The following TSHZ2 variants were observed in gnomAD, a reference collection of about 807,000 sequenced individuals.
TSHZ2 encodes the protein teashirt homolog 2.
Under a neutral mutation model 74.4 loss-of-function variants are expected in TSHZ2, and 21 were observed. That is an observed-to-expected ratio of 0.28 (90% CI 0.20 to 0.41). The LOEUF (loss-of-function observed/expected upper bound fraction) is 0.41. Among genes scored for constraint, TSHZ2 ranks in the 10% least tolerant of loss-of-function variants. The pLI is 1.00. For synonymous variants in TSHZ2, 540 were observed against 515.3 expected, an observed-to-expected ratio of 1.05 and a Z score of -0.65; for missense variants, 1,244 against 1,293.5, an observed-to-expected ratio of 0.96 and a Z score of 0.59.
intron 2 of TSHZ2, among the ~76,000 whole-genome samples, chr20:53,451,325 C>T (rs750193140): frequency 6.6e-6 from 1 of 152,130 alleles, no homozygotes; most frequent in Non-Finnish European, 1.5e-5. Context: ...ATTATATGGA[C>T]CAAACTATTT....
At chr20:53,235,005 G>A (rs758268083) in intron 1 of TSHZ2, among the ~76,000 whole-genome samples, 2 of 151,912 alleles carry the variant, frequency 1.3e-5, no homozygotes, top group South Asian at 4.2e-4. Context: ...GGCATGAGAG[G>A]TGCCCAGTTG....
At chr20:53,366,503 C>A (rs1271385602) in intron 2 of TSHZ2, among the ~76,000 whole-genome samples, 1 of 152,188 alleles carries the variant, frequency 6.6e-6, no homozygotes, top group Non-Finnish European at 1.5e-5. Flanking sequence ...ATTCCATCTG[C>A]CTGGGATCTA....
rs540713910 is a variant in TSHZ2 at position 53,482,429 on chromosome 20, T to A, written c.*9-4715T>A. On this transcript the variant is annotated intron_variant, in intron 2 of 2. Transcript: ENST00000371497. ...CATGCTGAGATCCAAAAAAGCCAGA[T>A]AACCTGAGTCAAGAATCACAGAAAG... 4.6e-5 allele frequency among the ~76,000 whole-genome samples: 7 copies of A among 152,274 alleles called. No homozygotes were observed. The South Asian group carries it at 1.4e-3, about 32-fold the overall frequency.
chr20:53,425,144 A>C (rs754978905), intron 2 of TSHZ2, among the ~76,000 whole-genome samples: 1 of 152,132 alleles, frequency 6.6e-6, no homozygotes, highest in Non-Finnish European at 1.5e-5. Flanking sequence ...CCACCACACT[A>C]TCTTCCAAAA....
intron 1 of TSHZ2, among the ~76,000 whole-genome samples, chr20:53,166,459 A>T (rs903242521): frequency 6.6e-6 from 1 of 152,138 alleles, no homozygotes; most frequent in Non-Finnish European, 1.5e-5. Context: ...CTCTACAAAA[A>T]AAACTAAACA....
At chr20:53,180,826 G>A (rs1988450130) in intron 1 of TSHZ2, among the ~76,000 whole-genome samples, 1 of 152,014 alleles carries the variant, frequency 6.6e-6, no homozygotes, top group Admixed American at 6.6e-5. Context: ...AGCAAAAAGG[G>A]ACAAGGAGCT....
At chr20:53,142,342 CAGG>C (rs1195853434) in intron 1 of TSHZ2, among the ~76,000 whole-genome samples, 1 of 152,190 alleles carries the variant, frequency 6.6e-6, no homozygotes, top group African/African-American at 2.4e-5. Context: ...ACCGGAAGAA[CAGG>C]AGAACAGAAG....
chr20:53,036,089 C>T (rs564215537), intron 1 of TSHZ2, among the ~76,000 whole-genome samples: 19 of 152,226 alleles, frequency 1.2e-4, no homozygotes, highest in Admixed American at 1.0e-3. Context: ...TTCCGCTTCT[C>T]GACCACAGAA....
rs982288244 is a variant in TSHZ2, at chr20:53,416,396, C to T, written c.*9-70748C>T. Among the ~76,000 whole-genome samples, 5 of 152,310 alleles carry T rather than the reference C, an allele frequency of 3.3e-5. 1 individual carries two copies. The highest frequency in any genetic ancestry group is 4.1e-4 in the South Asian group (2 of 4,828). Reference sequence around the variant, plus strand: ...CTGCGTCATTCCTTCAGACAGTAGTCGGGCTCTATTCACTTGTTAGTTTTC... The same window carrying T: ...CTGCGTCATTCCTTCAGACAGTAGTTGGGCTCTATTCACTTGTTAGTTTTC... On this transcript the variant is annotated intron_variant, in intron 2 of 2. Transcript: ENST00000371497.
At chr20:53,179,845 T>G (rs990138843) in intron 1 of TSHZ2, among the ~76,000 whole-genome samples, 2 of 152,194 alleles carry the variant, frequency 1.3e-5, no homozygotes, top group African/African-American at 4.8e-5. Flanking sequence ...AAGGTAACGA[T>G]AAGAGATTCA....
At chr20:53,035,868 A>G (rs1354207025) in intron 1 of TSHZ2, among the ~76,000 whole-genome samples, 2 of 152,260 alleles carry the variant, frequency 1.3e-5, no homozygotes, top group Non-Finnish European at 2.9e-5. Flanking sequence ...ACATCAAACC[A>G]TTAGCATCAG....
At chr20:53,181,839 G>C (rs1159752616) in intron 1 of TSHZ2, among the ~76,000 whole-genome samples, 1 of 152,194 alleles carries the variant, frequency 6.6e-6, no homozygotes, top group Non-Finnish European at 1.5e-5. Flanking sequence ...AGTGAGCCAA[G>C]ATCAAACAGG....
chr20:53,407,425 G>A (rs1405910586), intron 2 of TSHZ2, among the ~76,000 whole-genome samples: 1 of 152,182 alleles, frequency 6.6e-6, no homozygotes, highest in Non-Finnish European at 1.5e-5. Flanking sequence ...CTCACTAAGA[G>A]AAATTCTTTT....
At chr20:53,199,637 C>T (rs576227992) in intron 1 of TSHZ2, among the ~76,000 whole-genome samples, 1 of 152,276 alleles carries the variant, frequency 6.6e-6, no homozygotes, top group South Asian at 2.1e-4. Flanking sequence ...CATCTAGGGG[C>T]TCATGTGACT....
chr20:53,435,583 G>A lies in TSHZ2; in HGVS notation c.*9-51561G>A, dbSNP rs553580129. ...GGCTGGAGTGCAGTGGCGCGATCTT[G>A]GCTCACTGCAACCTCTGCCTCCCAG... On this transcript the variant is annotated intron_variant, in intron 2 of 2. Coordinates refer to ENST00000371497, the MANE Select transcript of TSHZ2 (RefSeq NM_173485.6). Among the ~76,000 whole-genome samples, 318 of 152,286 alleles carry A rather than the reference G, an allele frequency of 2.1e-3. 1 individual carries two copies. The highest frequency in any genetic ancestry group is 6.8e-3 in the Middle Eastern group (2 of 294).
chr20:53,386,672 TG>T (rs1472957191), intron 2 of TSHZ2, among the ~76,000 whole-genome samples: 1 of 152,188 alleles, frequency 6.6e-6, no homozygotes, highest in Non-Finnish European at 1.5e-5. Flanking sequence ...GAGTTTGCAT[TG>T]TATCTGAGCT....
intron 2 of TSHZ2, among the ~76,000 whole-genome samples, chr20:53,442,359 T>G (rs542674797): frequency 4.1e-4 from 63 of 152,216 alleles, no homozygotes; most frequent in Non-Finnish European, 7.9e-4. Flanking sequence ...ACTTTCCCCC[T>G]CCTCTTCCCA....
rs543066610 is a variant in TSHZ2 at position 53,210,052 on chromosome 20, A to G, written c.41-43447A>G. On this transcript the variant is annotated intron_variant, in intron 1 of 2. Transcript: ENST00000371497. ...TCGGAAAGAAGCAAATTAATAATGA[A>G]ACGGGAGAGTTCCCAGATCCCCGTC... 3.2e-4 allele frequency among the ~76,000 whole-genome samples: 48 copies of G among 152,340 alleles called. No individual in the cohort carries two copies. In the South Asian group the frequency reaches 6.0e-3, roughly 19 times the overall value.
At chr20:53,007,349 G>A (rs995164162) in intron 1 of TSHZ2, among the ~76,000 whole-genome samples, 11 of 152,166 alleles carry the variant, frequency 7.2e-5, no homozygotes, top group Admixed American at 2.0e-4. Context: ...TCAGAAATCA[G>A]ATGGACCAAA....
Sources: gnomAD v4.1 joint callset for allele counts (sites outside exome capture counted in the v4.1 genomes callset) on GRCh38, gnomAD v4.1.1 for gene constraint, MANE v1.5 for transcripts, NCBI Gene and HGNC (gene_info 2026-07-23, HGNC 2026-07-21) for gene names.